The following AFF3 variants were observed in gnomAD, a reference collection of about 807,000 sequenced individuals.
AFF3 encodes ALF transcription elongation factor 3.
In AFF3, 32 loss-of-function variants were observed where a neutral mutation model predicts 129.7. The ratio of observed to expected loss-of-function variants is 0.25; its 90% CI spans 0.19 to 0.33. The LOEUF is 0.33. Ranked by LOEUF, AFF3 falls within the 10% of genes least tolerant of loss-of-function variation. The probability of loss-of-function intolerance (pLI) is 1.00; values close to 1 mark genes in which losing one functional copy is unlikely to be tolerated. For synonymous variants in AFF3, 644 were observed against 635.4 expected, an observed-to-expected ratio of 1.01 and a Z score of -0.20; for missense variants, 1,373 against 1,592.0, an observed-to-expected ratio of 0.86 and a Z score of 2.34.
chr2:99,569,028 C>T (rs760983744), intron 18 of AFF3, 113 bp from the exon 19 acceptor site: 11 of 1,001,130 alleles, frequency 1.1e-5, no homozygotes, highest in South Asian at 4.1e-5. Context: ...CTGCTTAATG[C>T]GGAATTAAGT....
chr2:100,059,180 G>C (rs1053707421), intron 4 of AFF3, among the ~76,000 whole-genome samples: 7 of 142,774 alleles, frequency 4.9e-5, no homozygotes, highest in Admixed American at 2.2e-4. Context: ...TTGAACCTGG[G>C]AGGCAGAGCC....
At chr2:99,783,367 G>T (rs964565258) in intron 8 of AFF3, among the ~76,000 whole-genome samples, 2 of 152,156 alleles carry the variant, frequency 1.3e-5, no homozygotes. Flanking sequence ...TCAGTGTCTG[G>T]GGACGCTGGG....
chr2:99,757,542 G>C (rs757230332), intron 8 of AFF3, among the ~76,000 whole-genome samples: 4 of 152,168 alleles, frequency 2.6e-5, no homozygotes, highest in Non-Finnish European at 5.9e-5. Context: ...TACCCACCCT[G>C]AAAGGTAGGC....
rs542984486 is a variant in AFF3, at chr2:100,059,210, G to A, written c.53+45192C>T. Among the ~76,000 whole-genome samples the A allele has an allele frequency of 3.4e-3, 412 of 122,650 alleles. 3 individuals carry two copies. The highest frequency in any genetic ancestry group is 0.013 in the African/African-American group (395 of 31,002). 80.5% of individuals were successfully genotyped at this position (122,650 alleles called of 152,430 possible). ...AGAGCCTACAGTGAACCAAGATCGT[G>A]CCACTGCACTCCAGCCTGGGCAACA... On this transcript the variant is annotated intron_variant, in intron 4 of 24. Coordinates refer to ENST00000672756, the MANE Select transcript of AFF3 (RefSeq NM_001386135.1).
chr2:99,724,336 A>C (rs950892720), intron 11 of AFF3, among the ~76,000 whole-genome samples: 2 of 123,874 alleles, frequency 1.6e-5, no homozygotes, highest in Middle Eastern at 5.9e-3. Context: ...GCAGTGGTGC[A>C]ATCTTGGCTC....
Position 99,726,947 on chromosome 2 carries a change from T to C in AFF3, c.1091+130A>G, listed in dbSNP as rs77438590. The stretch of plus-strand genomic sequence containing the variant: ...GCACCCAAAGCATTTAGAAAGACAT[T>C]ATCATGAGAAAAGAGAACCATGGGC... On this transcript the variant is annotated intron_variant, in intron 11 of 24. Coordinates refer to ENST00000672756, the MANE Select transcript of AFF3 (RefSeq NM_001386135.1). The C allele has an allele frequency of 8.2e-3, 6,746 of 821,048 alleles. 50 individuals carry two copies. The highest frequency in any genetic ancestry group is 0.011 in the Non-Finnish European group (6,021 of 549,776). 50.9% of individuals were successfully genotyped at this position (821,048 alleles called of 1,614,324 possible). A position where few individuals can be genotyped will look rare whatever the true frequency, so the allele number is the denominator to read the frequency against.
intron 7 of AFF3, among the ~76,000 whole-genome samples, chr2:99,958,520 C>A (rs1043594034): frequency 2.7e-5 from 4 of 150,360 alleles, no homozygotes; most frequent in African/African-American, 4.9e-5. Flanking sequence ...CAATGCGACA[C>A]AATTCAATAA....
At chr2:100,107,277 A>G in intron 2 of AFF3, 1 of 985,360 alleles carries the variant, frequency 1.0e-6, no homozygotes, top group East Asian at 1.1e-4. Flanking sequence ...GAGAGCCTTT[A>G]TGGGAGATCT....
At chr2:99,618,224 C>CTTTTTTTTTTTTTTTTTTT (rs70940180) in intron 13 of AFF3, among the ~76,000 whole-genome samples, 1 of 80,084 alleles carries the variant, frequency 1.2e-5, no homozygotes, top group African/African-American at 5.7e-5. Context: ...TCATAACATT[C>CTTTTTTTTTTTTTTTTTTT]TTTTTTTTTT....
chr2:99,673,214 C>T (rs903452313), intron 11 of AFF3, among the ~76,000 whole-genome samples: 1 of 151,974 alleles, frequency 6.6e-6, no homozygotes, highest in African/African-American at 2.4e-5. Context: ...GCCATAAAGC[C>T]ATAAACTTGA....
chr2:99,553,544 A>C (rs1416057893), intron 24 of AFF3, among the ~76,000 whole-genome samples: 2 of 152,164 alleles, frequency 1.3e-5, no homozygotes, highest in Non-Finnish European at 2.9e-5. Context: ...GTTGATATAT[A>C]TAACAATATA....
At chr2:99,552,513 G>GA (rs1472120842) in intron 24 of AFF3, among the ~76,000 whole-genome samples, 1 of 152,246 alleles carries the variant, frequency 6.6e-6, no homozygotes, top group African/African-American at 2.4e-5. Context: ...GTGGCTGATA[G>GA]AGGAAAACAC....
intron 8 of AFF3, among the ~76,000 whole-genome samples, chr2:99,827,690 CAT>C (rs762531312): frequency 1.3e-4 from 20 of 151,498 alleles, no homozygotes; most frequent in African/African-American, 4.1e-4. Context: ...CATATATACA[CAT>C]ATATATATGT....
chr2:99,734,410 G>A (rs901547482), intron 10 of AFF3, among the ~76,000 whole-genome samples: 1 of 152,018 alleles, frequency 6.6e-6, no homozygotes, highest in Non-Finnish European at 1.5e-5. Flanking sequence ...TGTCCATCCA[G>A]TATAATGTTG....
intron 7 of AFF3, among the ~76,000 whole-genome samples, chr2:99,913,164 A>G (rs1695223523): frequency 6.6e-6 from 1 of 152,210 alleles, no homozygotes; most frequent in Non-Finnish European, 1.5e-5. Flanking sequence ...TATAGCCCCT[A>G]CTGTACCTAC....
At chr2:99,663,442 C>G (rs1686416248) in intron 12 of AFF3, among the ~76,000 whole-genome samples, 1 of 152,178 alleles carries the variant, frequency 6.6e-6, no homozygotes, top group Non-Finnish European at 1.5e-5. Context: ...GACTATTACT[C>G]TATGCATTAT....
chr2:99,686,817 C>G (rs57425240), intron 11 of AFF3, among the ~76,000 whole-genome samples: 11,430 of 152,248 alleles, frequency 0.075, 486 homozygotes, highest in East Asian at 0.11. Context: ...ATGAGACTGT[C>G]TGATCCACTC....
At chr2:99,994,138 A>T (rs927902006) in intron 7 of AFF3, among the ~76,000 whole-genome samples, 8 of 152,052 alleles carry the variant, frequency 5.3e-5, no homozygotes, top group Non-Finnish European at 1.0e-4. Context: ...AAATTCCCTG[A>T]GCTAGAACAA....
intron 8 of AFF3, among the ~76,000 whole-genome samples, chr2:99,791,529 G>A (rs1558854905): frequency 6.6e-6 from 1 of 152,186 alleles, no homozygotes; most frequent in Non-Finnish European, 1.5e-5. Context: ...CATTTAACCT[G>A]TGAATGTGGA....
Sources: gnomAD v4.1 joint callset for allele counts (sites outside exome capture counted in the v4.1 genomes callset) on GRCh38, gnomAD v4.1.1 for gene constraint, MANE v1.5 for transcripts, NCBI Gene and HGNC (gene_info 2026-07-23, HGNC 2026-07-21) for gene names.